The following PKIA variants were observed in gnomAD, a reference collection of about 807,000 sequenced individuals.
PKIA encodes PKI-alpha.
A neutral mutation model predicts 7.6 loss-of-function variants in PKIA; 4 were observed. That is an observed-to-expected ratio of 0.52 (90% CI 0.26 to 1.20). The LOEUF (loss-of-function observed/expected upper bound fraction) is 1.20, where lower values mean the gene tolerates loss of function less well. Ranked by LOEUF, PKIA falls within the 50% of genes most tolerant of loss-of-function variation. The probability of loss-of-function intolerance (pLI) is 0.13; values close to 1 mark genes in which losing one functional copy is unlikely to be tolerated. For missense variants in PKIA, 73 were observed against 86.2 expected (o/e 0.85, Z 0.61); for synonymous variants, 21 against 30.7 (o/e 0.68, Z 1.04).
rs1808374103 is a variant in PKIA, at chr8:78,602,571, GA to G, written c.*751del. On this transcript the variant is annotated 3_prime_UTR_variant, in exon 4 of 4. Transcript: ENST00000396418. Reference sequence around the variant, plus strand: ...ATCAAGACTCCATTGCTTTATTATAGAGACATTTGAAAATATCCATTAATGT... The same window carrying G: ...ATCAAGACTCCATTGCTTTATTATAGGACATTTGAAAATATCCATTAATGT... 2 of 152,066 alleles carry G rather than the reference GA, an allele frequency of 1.3e-5. No individual in the cohort carries two copies. Among genetic ancestry groups the G allele is most frequent in the Admixed American group, 6.6e-5 (1 of 15,142 alleles). The allele number at this position is 152,066 out of a possible 1,614,324, so 9.4% of individuals were successfully genotyped here.
rs879661459 is a variant in PKIA, at chr8:78,572,937, C to T, written c.-30C>T. The T allele has an allele frequency of 1.3e-5, 2 of 151,942 alleles. No homozygotes were observed. The highest frequency in any genetic ancestry group is 2.9e-5 in the Non-Finnish European group (2 of 67,966). The allele number at this position is 151,942 out of a possible 1,614,324, so 9.4% of individuals were successfully genotyped here. A position where few individuals can be genotyped will look rare whatever the true frequency, so the allele number is the denominator to read the frequency against. ...AATTAAAGACAAGAAGGTTTCCAAT[C>T]AGGTAGGAACACTAATTCTCAAACA... On this transcript the variant is annotated splice_region_variant and 5_prime_UTR_variant, in exon 2 of 4. Transcript: ENST00000396418.
intron 1 of PKIA, among the ~76,000 whole-genome samples, chr8:78,550,434 G>A (rs1017852998): frequency 6.6e-6 from 1 of 152,046 alleles, no homozygotes. Flanking sequence ...GTTTTCTAAA[G>A]TAAGTGATCT....
intron 2 of PKIA, among the ~76,000 whole-genome samples, chr8:78,592,148 T>C (rs144515615): frequency 0.01 from 1,534 of 152,182 alleles, 29 homozygotes; most frequent in African/African-American, 0.034. Context: ...ACTAGGCAGG[T>C]AAAAATATCT....
chr8:78,588,108 G>T (rs1316426774), intron 2 of PKIA, among the ~76,000 whole-genome samples: 1 of 152,146 alleles, frequency 6.6e-6, no homozygotes, highest in Admixed American at 6.5e-5. Flanking sequence ...ACATAAGACA[G>T]AATTAAATCA....
intron 2 of PKIA, among the ~76,000 whole-genome samples, chr8:78,590,844 G>A (rs980899701): frequency 6.6e-6 from 1 of 152,002 alleles, no homozygotes; most frequent in African/African-American, 2.4e-5. Flanking sequence ...TAATTTTTGA[G>A]CATGTAATAG....
At chr8:78,538,094 C>T (rs868162129) in intron 1 of PKIA, among the ~76,000 whole-genome samples, 55 of 151,748 alleles carry the variant, frequency 3.6e-4, no homozygotes, top group African/African-American at 9.9e-4. Flanking sequence ...TCTTTCTCTA[C>T]GTCCCTGTGC....
chr8:78,538,668 G>A (rs770181826), intron 1 of PKIA, among the ~76,000 whole-genome samples: 12 of 151,946 alleles, frequency 7.9e-5, no homozygotes, highest in African/African-American at 1.7e-4. Context: ...CTTGGTGTGC[G>A]CTGAGGTAAT....
intron 1 of PKIA, among the ~76,000 whole-genome samples, chr8:78,516,868 C>T (rs547576548): frequency 3.0e-4 from 45 of 152,160 alleles, no homozygotes; most frequent in Non-Finnish European, 6.0e-4. Context: ...GAAATCGTCC[C>T]TCTTCCTGTA....
rs1022534167 is a variant in PKIA, at chr8:78,604,452, A to G, written c.*2631A>G. On this transcript the variant is annotated 3_prime_UTR_variant, in exon 4 of 4. Transcript: ENST00000396418. ...GAGCCAACTGCAGAGCTGTAAGGGAACTTTTAGAGATGAACTTCTTCAGCC... is the reference window on the plus strand; with the variant it reads ...GAGCCAACTGCAGAGCTGTAAGGGAGCTTTTAGAGATGAACTTCTTCAGCC... 2 of 151,994 alleles carry G rather than the reference A, an allele frequency of 1.3e-5. No individual in the cohort carries two copies. The highest frequency in any genetic ancestry group is 4.8e-5 in the African/African-American group (2 of 41,428). 9.4% of individuals were successfully genotyped at this position (151,994 alleles called of 1,614,324 possible). A position where few individuals can be genotyped will look rare whatever the true frequency, so the allele number is the denominator to read the frequency against.
chr8:78,569,008 T>C (rs571687211), intron 1 of PKIA, among the ~76,000 whole-genome samples: 2 of 151,762 alleles, frequency 1.3e-5, no homozygotes, highest in African/African-American at 4.8e-5. Flanking sequence ...GAAGGAGACT[T>C]AAGGAGATCA....
intron 2 of PKIA, among the ~76,000 whole-genome samples, chr8:78,596,869 A>G (rs1004616586): frequency 2.0e-5 from 3 of 152,196 alleles, no homozygotes; most frequent in African/African-American, 7.2e-5. Flanking sequence ...TACATGGTAA[A>G]AGGAAAAGGT....
chr8:78,588,823 G>A (rs1037531277), intron 2 of PKIA, among the ~76,000 whole-genome samples: 1 of 151,454 alleles, frequency 6.6e-6, no homozygotes, highest in African/African-American at 2.4e-5. Flanking sequence ...AAGAAAAAGC[G>A]ATGAATGTCT....
At chr8:78,590,496 G>T (rs1808068915) in intron 2 of PKIA, among the ~76,000 whole-genome samples, 1 of 152,024 alleles carries the variant, frequency 6.6e-6, no homozygotes, top group South Asian at 2.1e-4. Flanking sequence ...TGTTAAGCCA[G>T]ATTCTCTTAT....
chr8:78,571,365 A>C (rs1234036101), intron 1 of PKIA, among the ~76,000 whole-genome samples: 1 of 152,088 alleles, frequency 6.6e-6, no homozygotes, highest in Non-Finnish European at 1.5e-5. Context: ...CGATGCTGTC[A>C]GAGGCCCACC....
chr8:78,560,629 T>C (rs1807262446), intron 1 of PKIA, among the ~76,000 whole-genome samples: 1 of 152,190 alleles, frequency 6.6e-6, no homozygotes, highest in South Asian at 2.1e-4. Flanking sequence ...GCAGATGGAC[T>C]GTGAAGGGAC....
chr8:78,601,995 C>CT lies in PKIA; in HGVS notation c.*178dup, dbSNP rs1808360122. ...GGCAGAGGCTGTGGCTGCAGGCAGA[C>CT]TTTTCCCTACCTCTGTCATTAGCAA... is the stretch of plus-strand genomic sequence containing the variant. On this transcript the variant is annotated 3_prime_UTR_variant, in exon 4 of 4. Transcript: ENST00000396418. 1 of 587,972 alleles carries CT rather than the reference C, an allele frequency of 1.7e-6. No homozygotes were observed. The highest frequency in any genetic ancestry group is 1.9e-5 in the African/African-American group (1 of 53,038). The allele number at this position is 587,972 out of a possible 1,614,324, so 36.4% of individuals were successfully genotyped here.
At chr8:78,541,054 T>C (rs1806674641) in intron 1 of PKIA, among the ~76,000 whole-genome samples, 1 of 152,060 alleles carries the variant, frequency 6.6e-6, no homozygotes, top group Non-Finnish European at 1.5e-5. Flanking sequence ...CTTGAAACTA[T>C]TTATTCTAAT....
intron 2 of PKIA, among the ~76,000 whole-genome samples, chr8:78,588,201 T>C (rs1485883918): frequency 6.6e-6 from 1 of 151,656 alleles, no homozygotes; most frequent in Non-Finnish European, 1.5e-5. Context: ...AGAAGACCAA[T>C]AGGAGAATAC....
chr8:78,541,581 A>G (rs942102603), intron 1 of PKIA, among the ~76,000 whole-genome samples: 1 of 152,186 alleles, frequency 6.6e-6, no homozygotes, highest in African/African-American at 2.4e-5. Context: ...ACATTGCAAA[A>G]TATCAGTTGA....
Sources: gnomAD v4.1 joint callset for allele counts (sites outside exome capture counted in the v4.1 genomes callset) on GRCh38, gnomAD v4.1.1 for gene constraint, MANE v1.5 for transcripts, NCBI Gene and HGNC (gene_info 2026-07-23, HGNC 2026-07-21) for gene names.